Variants in ZNF8 observed in about 807,000 individuals in gnomAD.
ZNF8 encodes zinc finger protein 8, also known as zinc finger protein 272.
In ZNF8, 9 loss-of-function variants were observed where a neutral mutation model predicts 12.2. The observed-to-expected ratio is 0.73, with a 90% CI of 0.44 to 1.28. The LOEUF (loss-of-function observed/expected upper bound fraction) is 1.28, where lower values mean the gene tolerates loss of function less well. Among genes scored for constraint, ZNF8 ranks in the 50% most tolerant of loss-of-function variants. The pLI, the probability that ZNF8 is intolerant of heterozygous loss-of-function variation, is 0.00. For missense variants in ZNF8, 664 were observed against 729.1 expected (o/e 0.91, Z 1.03); for synonymous variants, 274 against 282.3 (o/e 0.97, Z 0.30).
chr19:58,285,943 G>T, intron 2 of ZNF8, 100 bp downstream of exon 2: 1 of 1,465,762 alleles, frequency 6.8e-7, no homozygotes, highest in Non-Finnish European at 9.3e-7. Context: ...CACTCCCTAT[G>T]GGGAGTGCAT....
chr19:58,279,068 CTGGGCGATCCAGCA>C lies in ZNF8; in HGVS notation c.-10_4del. On this transcript the variant is annotated start_lost and 5_prime_UTR_variant, in exon 1 of 4. Coordinates refer to ENST00000621650, the MANE Select transcript of ZNF8 (RefSeq NM_021089.3). ...GGATCACCTCAGGCGCTGTCCTTCA[CTGGGCGATCCAGCA>C]TGGACCCCGAGGACGAAGGGGTAGC... 1 of 1,477,138 alleles carries C rather than the reference CTGGGCGATCCAGCA, an allele frequency of 6.8e-7. No individual in the cohort carries two copies. 91.5% of individuals were successfully genotyped at this position (1,477,138 alleles called of 1,614,324 possible).
chr19:58,300,865 A>G lies in ZNF8; in HGVS notation c.*5329A>G, dbSNP rs559082589. On this transcript the variant is annotated 3_prime_UTR_variant, in exon 4 of 4. Coordinates refer to ENST00000621650, the MANE Select transcript of ZNF8 (RefSeq NM_021089.3). Reference sequence around the variant, plus strand: ...ACTACCTCTGGTGTCGTCTCTCTTCATCCCCAGGACTGTGAAGCCTGCTAA... The same window carrying G: ...ACTACCTCTGGTGTCGTCTCTCTTCGTCCCCAGGACTGTGAAGCCTGCTAA... 6.6e-6 allele frequency: 1 copy of G among 152,530 alleles called. No homozygotes were observed. The highest frequency in any genetic ancestry group is 2.4e-5 in the African/African-American group (1 of 41,542). The allele number at this position is 152,530 out of a possible 1,614,324, so 9.4% of individuals were successfully genotyped here. A position where few individuals can be genotyped will look rare whatever the true frequency, so the allele number is the denominator to read the frequency against.
rs1207561721 is a variant in ZNF8, at chr19:58,294,590, A to G, written c.782A>G (p.Asp261Gly). The G allele has an allele frequency of 6.2e-7, 1 of 1,614,158 alleles. No homozygotes were observed. Among genetic ancestry groups the G allele is most frequent in the Non-Finnish European group, 8.5e-7 (1 of 1,180,040 alleles). The stretch of plus-strand genomic sequence containing the variant: ...CAGGACAAACCCTACAAATGTACTG[A>G]CTGTGGGAAGTCGTTTAACCATAAC... ...QVQDKPYKCT[D>G]CGKSFNHNAH... The change falls in exon 4 of 4, where the codon GAC (aspartate) becomes GGC (glycine). Residue 261 changes from aspartate (D) to glycine (G), a missense_variant. Physicochemically the swap from Asp to Gly is moderately conservative, Grantham distance 94. This residue lies in a region of ZNF8 where 133 missense variants were observed against 198.4 expected (regional missense o/e 0.67). Coordinates refer to ENST00000621650, the MANE Select transcript of ZNF8 (RefSeq NM_021089.3). The surrounding 1 kb of genome is among the most constrained non-coding windows in gnomAD (Gnocchi z 5.5).
In ZNF8 at chr19:58,299,797, G is replaced by C. The variant is rs550904637; in HGVS notation, c.*4261G>C. On this transcript the variant is annotated 3_prime_UTR_variant, in exon 4 of 4. Coordinates refer to ENST00000621650, the MANE Select transcript of ZNF8 (RefSeq NM_021089.3). ...AAAAATAAAAGAACTTCCCGTGTCC[G>C]TTTTTGCTTTTTGGATGCTGGGAGT... is the stretch of plus-strand genomic sequence containing the variant. The C allele has an allele frequency of 6.6e-6, 1 of 152,112 alleles. No individual in the cohort carries two copies. The highest frequency in any genetic ancestry group is 1.5e-5 in the Non-Finnish European group (1 of 68,038). The allele number at this position is 152,112 out of a possible 1,614,324, so 9.4% of individuals were successfully genotyped here.
chr19:58,290,156 C>G (rs952626248), intron 3 of ZNF8, among the ~76,000 whole-genome samples: 20 of 146,924 alleles, frequency 1.4e-4, no homozygotes, highest in Admixed American at 1.2e-3. Context: ...CTCTCTTCCC[C>G]AGACTGGACT....
rs781272245 is a variant in ZNF8, at chr19:58,295,531, A to G, written c.1723A>G (p.Thr575Ala). 1 of 1,591,378 alleles carries G rather than the reference A, an allele frequency of 6.3e-7. No individual in the cohort carries two copies. The highest frequency in any genetic ancestry group is 1.8e-5 in the Admixed American group (1 of 56,032). ...ASMLFDIRES[T>A] is the part of the protein sequence containing the mutation. ...CATGTTATTTGACATCAGAGAATCC[A>G]CATAGGAGAGAAACTTTGCTGATGA... Residue 575 changes from threonine to alanine, a missense_variant, in exon 4 of 4, where the codon ACA becomes GCA. Coordinates refer to ENST00000621650, the MANE Select transcript of ZNF8 (RefSeq NM_021089.3).
At chr19:58,286,698 C>A (rs115598147) in intron 3 of ZNF8, 1 of 152,900 alleles carries the variant, frequency 6.5e-6, no homozygotes, top group Non-Finnish European at 1.5e-5. Context: ...TTGTGGGAAC[C>A]ATCCCCAAAT....
At position 58,297,360 on chromosome 19, in the gene ZNF8, G is replaced by A. The variant is rs903445299; in HGVS notation, c.*1824G>A. 1 of 152,014 alleles carries A rather than the reference G, an allele frequency of 6.6e-6. No homozygotes were observed. The highest frequency in any genetic ancestry group is 6.6e-5 in the Admixed American group (1 of 15,264). 9.4% of individuals were successfully genotyped at this position (152,014 alleles called of 1,614,324 possible). ...TAGTTTATACATGATGTACTTTTTA[G>A]TACATCCTTTACGGTTTTGCAGCAT... is the stretch of plus-strand genomic sequence containing the variant. On this transcript the variant is annotated 3_prime_UTR_variant, in exon 4 of 4. Transcript: ENST00000621650.
chr19:58,280,871 A>G (rs1191411738), intron 1 of ZNF8, among the ~76,000 whole-genome samples: 1 of 152,192 alleles, frequency 6.6e-6, no homozygotes, highest in African/African-American at 2.4e-5. Flanking sequence ...GCATTGTAGC[A>G]TGTTGCTTCA....
At chr19:58,285,880 C>G in intron 2 of ZNF8, 37 bp downstream of exon 2, 1 of 1,578,988 alleles carries the variant, frequency 6.3e-7, no homozygotes, top group Non-Finnish European at 8.6e-7. Flanking sequence ...AGCTGATTCT[C>G]TCTGGGTTAT....
In ZNF8 at chr19:58,286,248, G is replaced by A; in HGVS notation, c.289+43G>A. The A allele has an allele frequency of 1.9e-6, 3 of 1,569,700 alleles. No homozygotes were observed. The Admixed American group carries it at 5.1e-5, about 27-fold the overall frequency. ...GGGAGCAGCTAATGGGAGCAGCCTAGCAGGTCACTGGAGATGCACTTCATG... is the reference window on the plus strand; with the variant it reads ...GGGAGCAGCTAATGGGAGCAGCCTAACAGGTCACTGGAGATGCACTTCATG... On this transcript the variant is annotated intron_variant, in intron 3 of 3. Coordinates refer to ENST00000621650, the MANE Select transcript of ZNF8 (RefSeq NM_021089.3).
At chr19:58,287,983 C>T (rs1367055183) in intron 3 of ZNF8, among the ~76,000 whole-genome samples, 1 of 145,614 alleles carries the variant, frequency 6.9e-6, no homozygotes, top group African/African-American at 2.5e-5. Context: ...GGATTATAGG[C>T]GTAAGCCACT....
rs1167861770 is a variant in ZNF8 at position 58,301,854 on chromosome 19, C to T, written c.*6318C>T. On this transcript the variant is annotated 3_prime_UTR_variant, in exon 4 of 4. Transcript: ENST00000621650. The stretch of plus-strand genomic sequence containing the variant: ...TTACAAATACATAAACCCTTTGTCT[C>T]ACCAAACCTGCTGGGAATGAATCCT... 6.6e-6 allele frequency: 1 copy of T among 152,184 alleles called. No homozygotes were observed. Among genetic ancestry groups the T allele is most frequent in the East Asian group, 1.9e-4 (1 of 5,194 alleles). The allele number at this position is 152,184 out of a possible 1,614,324, so 9.4% of individuals were successfully genotyped here.
chr19:58,294,413 C>G lies in ZNF8; in HGVS notation c.605C>G (p.Thr202Ser), dbSNP rs1046849876. 23 of 1,613,968 alleles carry G rather than the reference C, an allele frequency of 1.4e-5. No individual in the cohort carries two copies. Among genetic ancestry groups the G allele is most frequent in the Middle Eastern group, 3.3e-4 (2 of 6,084 alleles). The stretch of plus-strand genomic sequence containing the variant: ...ATCTCTAGAGGGGAGTATTTGTATA[C>G]TTACGACTCACAGATTACAGACTCA... ...PEISRGEYLY[T>S]YDSQITDSEH... Residue 202 changes from threonine (T) to serine (S), a missense_variant, in exon 4 of 4, where the codon ACT (threonine) becomes AGT (serine). Around this residue, in one of 3 missense-constraint regions of ZNF8, gnomAD observed 306 missense variants for 308.7 expected, o/e 0.99. Transcript: ENST00000621650. This position sits in a 1 kb window ranked among gnomAD's most constrained non-coding sequence, Gnocchi z 5.5.
At position 58,286,159 on chromosome 19, in the gene ZNF8, C is replaced by A; in HGVS notation, c.243C>A (p.Thr81=). ...TCATCTCCCAGCTGGAGCAAGGGAC[C>A]GAGCTATGGGTGGCTGAGAGAGGAA... is the stretch of plus-strand genomic sequence containing the variant. ...PEVISQLEQG[T]ELWVAERGTT... Residue 81 remains threonine, a synonymous_variant, in exon 3 of 4, where the codon ACC becomes ACA. Coordinates refer to ENST00000621650, the MANE Select transcript of ZNF8 (RefSeq NM_021089.3). The A allele has an allele frequency of 6.2e-7, 1 of 1,614,048 alleles. No homozygotes were observed. The highest frequency in any genetic ancestry group is 8.5e-7 in the Non-Finnish European group (1 of 1,180,010).
chr19:58,279,464 G>T (rs1600449967), intron 1 of ZNF8: 1 of 1,459,610 alleles, frequency 6.9e-7, no homozygotes, highest in Non-Finnish European at 9.0e-7. Context: ...CGACACCCTT[G>T]CCCATTCCAG....
Position 58,294,885 on chromosome 19 carries a change from C to T in ZNF8, c.1077C>T (p.His359=). The change falls in exon 4 of 4, where the codon CAC becomes CAT. Residue 359 remains histidine, a synonymous_variant. Transcript: ENST00000621650. The surrounding 1 kb of genome is among the most constrained non-coding windows in gnomAD (Gnocchi z 5.5). ...AFNQNSSLGR[H]KRTHTGEKPY... ...ACCAGAACTCCTCCCTGGGGCGGCA[C>T]AAGAGGACACACACTGGGGAGAAGC... The T allele has an allele frequency of 6.2e-7, 1 of 1,614,086 alleles. No homozygotes were observed. Among genetic ancestry groups the T allele is most frequent in the Non-Finnish European group, 8.5e-7 (1 of 1,180,008 alleles).
chr19:58,283,599 C>CTTT (rs34775791), intron 1 of ZNF8, among the ~76,000 whole-genome samples: 32 of 122,868 alleles, frequency 2.6e-4, no homozygotes, highest in African/African-American at 5.9e-4. Context: ...GAAATAAACT[C>CTTT]TTTTTTTTTT....
chr19:58,285,679 G>A, intron 1 of ZNF8, 38 bp from the exon 2 acceptor site: 2 of 1,614,158 alleles, frequency 1.2e-6, no homozygotes, highest in East Asian at 2.2e-5. Context: ...CACTGATGGA[G>A]ATAGTCCAGC....
Sources: gnomAD v4.1 joint callset for allele counts (sites outside exome capture counted in the v4.1 genomes callset) on GRCh38, gnomAD v4.1.1 for gene constraint, gnomAD v4.1.1 regional missense constraint, Gnocchi (gnomAD v3.1) non-coding constraint, MANE v1.5 for transcripts, NCBI Gene and HGNC (gene_info 2026-07-23, HGNC 2026-07-21) for gene names.